Variants in ICA1L observed in about 807,000 individuals in gnomAD.
The protein encoded by ICA1L is islet cell autoantigen 1 like.
In ICA1L, 50 loss-of-function variants were observed where a neutral mutation model predicts 61.3. That is an observed-to-expected ratio of 0.82 (90% CI 0.65 to 1.03). ICA1L has a LOEUF of 1.03. Ranked by LOEUF, ICA1L falls within the 50% of genes least tolerant of loss-of-function variation. ICA1L has a pLI of 0.00. For missense variants in ICA1L, 508 were observed against 556.7 expected (o/e 0.91, Z 0.88); for synonymous variants, 161 against 191.3 (o/e 0.84, Z 1.31).
At chr2:202,797,498 TG>T (rs1010189866) in intron 9 of ICA1L, among the ~76,000 whole-genome samples, 1 of 152,250 alleles carries the variant, frequency 6.6e-6, no homozygotes, top group African/African-American at 2.4e-5. Flanking sequence ...ACATTTGTAT[TG>T]AACACTGCTC....
chr2:202,845,190 A>C (rs1233706942), intron 1 of ICA1L, among the ~76,000 whole-genome samples: 2 of 152,206 alleles, frequency 1.3e-5, no homozygotes, highest in Admixed American at 6.5e-5. Context: ...CTTTGAACAC[A>C]GTCTCTTGCA....
intron 1 of ICA1L, among the ~76,000 whole-genome samples, chr2:202,863,512 A>C (rs564008935): frequency 6.6e-6 from 1 of 151,978 alleles, no homozygotes; most frequent in East Asian, 1.9e-4. Flanking sequence ...AAGAAAGAAA[A>C]ACATAAATGA....
intron 1 of ICA1L, among the ~76,000 whole-genome samples, chr2:202,843,270 T>C (rs1305160781): frequency 6.6e-6 from 1 of 152,192 alleles, no homozygotes; most frequent in African/African-American, 2.4e-5. Flanking sequence ...GCTAGTTTCA[T>C]TGTGGACTGA....
At chr2:202,810,385 T>C (rs922660786) in intron 9 of ICA1L, among the ~76,000 whole-genome samples, 1 of 152,238 alleles carries the variant, frequency 6.6e-6, no homozygotes, top group East Asian at 1.9e-4. Flanking sequence ...CTGTCTTTAC[T>C]GCAGTCTCTG....
chr2:202,778,101 C>T lies in ICA1L; in HGVS notation c.*1432G>A, dbSNP rs1467528355. On this transcript the variant is annotated 3_prime_UTR_variant, in exon 13 of 13. Transcript: ENST00000358299. ...TTCACCATGTTAGCCAGGATGGTCT[C>T]CATCTCCTGACCTCGTGATCCGCCT... 6.6e-6 allele frequency: 1 copy of T among 151,918 alleles called. No individual in the cohort carries two copies. Among genetic ancestry groups the T allele is most frequent in the Admixed American group, 6.6e-5 (1 of 15,226 alleles). The allele number at this position is 151,918 out of a possible 1,614,324, so 9.4% of individuals were successfully genotyped here. A position where few individuals can be genotyped will look rare whatever the true frequency, so the allele number is the denominator to read the frequency against.
chr2:202,828,568 T>G (rs1051154328), intron 2 of ICA1L, among the ~76,000 whole-genome samples: 1 of 152,244 alleles, frequency 6.6e-6, no homozygotes, highest in Admixed American at 6.5e-5. Flanking sequence ...CAACTGGGAA[T>G]GTAATCATTA....
chr2:202,807,010 G>A (rs200309446), intron 9 of ICA1L, among the ~76,000 whole-genome samples: 10 of 152,306 alleles, frequency 6.6e-5, no homozygotes, highest in East Asian at 1.9e-4. Context: ...GGACTTTTGC[G>A]TTTAAAAGCA....
intron 3 of ICA1L, among the ~76,000 whole-genome samples, chr2:202,822,765 C>A (rs753600802): frequency 2.6e-5 from 4 of 152,152 alleles, no homozygotes; most frequent in Non-Finnish European, 5.9e-5. Context: ...CAACAGAACT[C>A]AGGCCTCCTC....
intron 11 of ICA1L, among the ~76,000 whole-genome samples, chr2:202,788,275 C>T (rs1166898554): frequency 6.6e-6 from 1 of 152,112 alleles, no homozygotes; most frequent in Non-Finnish European, 1.5e-5. Context: ...AAATGAGGCT[C>T]TAAATGGCTC....
chr2:202,843,648 C>A (rs1325633098), intron 1 of ICA1L, among the ~76,000 whole-genome samples: 1 of 152,178 alleles, frequency 6.6e-6, no homozygotes, highest in Non-Finnish European at 1.5e-5. Context: ...GTCTGGGATG[C>A]AGGGATCCTT....
In ICA1L at chr2:202,774,351, C is replaced by T. The variant is rs1451201172; in HGVS notation, c.*5182G>A. On this transcript the variant is annotated 3_prime_UTR_variant, in exon 13 of 13. Transcript: ENST00000358299. Reference sequence around the variant, plus strand: ...AGCGCTGAGGCGAGCCTGCCGCGCGCTCCGCTCAGCGTGGTCTGGCAGCCG... The same window carrying T: ...AGCGCTGAGGCGAGCCTGCCGCGCGTTCCGCTCAGCGTGGTCTGGCAGCCG... The T allele has an allele frequency of 7.3e-7, 1 of 1,375,024 alleles. No individual in the cohort carries two copies. Among genetic ancestry groups the T allele is most frequent in the Non-Finnish European group, 9.3e-7 (1 of 1,071,400 alleles). The allele number at this position is 1,375,024 out of a possible 1,614,324, so 85.2% of individuals were successfully genotyped here. A position where few individuals can be genotyped will look rare whatever the true frequency, so the allele number is the denominator to read the frequency against.
At chr2:202,844,368 C>T (rs1021745023) in intron 1 of ICA1L, 4 of 151,598 alleles carry the variant, frequency 2.6e-5, no homozygotes, top group Non-Finnish European at 4.4e-5. Context: ...ACAGTGAGAC[C>T]CCATCTCAAA....
intron 12 of ICA1L, among the ~76,000 whole-genome samples, chr2:202,784,886 G>A (rs1692531253): frequency 6.6e-6 from 1 of 152,128 alleles, no homozygotes; most frequent in Non-Finnish European, 1.5e-5. Context: ...TTTCACAGCA[G>A]TATGAACATG....
At chr2:202,842,157 T>C (rs532778568) in intron 1 of ICA1L, among the ~76,000 whole-genome samples, 29 of 152,310 alleles carry the variant, frequency 1.9e-4, no homozygotes, top group African/African-American at 5.8e-4. Context: ...ACCAGGCCTA[T>C]TGCAGCCATT....
chr2:202,797,167 T>C (rs1692958561), intron 9 of ICA1L, among the ~76,000 whole-genome samples: 1 of 151,882 alleles, frequency 6.6e-6, no homozygotes, highest in Admixed American at 6.6e-5. Flanking sequence ...TGTGTGTATA[T>C]GTATATAAAT....
In ICA1L at chr2:202,779,065, A is replaced by G. The variant is rs532398344; in HGVS notation, c.*468T>C. 1 of 152,732 alleles carries G rather than the reference A, an allele frequency of 6.5e-6. No homozygotes were observed. The highest frequency in any genetic ancestry group is 1.5e-5 in the Non-Finnish European group (1 of 68,314). 9.5% of individuals were successfully genotyped at this position (152,732 alleles called of 1,614,324 possible). ...TCTAATGGTGTTTTCCAAAACAGAA[A>G]ATCCTCCTCGCTACTATTTCATTTA... On this transcript the variant is annotated 3_prime_UTR_variant, in exon 13 of 13. Coordinates refer to ENST00000358299, the MANE Select transcript of ICA1L (RefSeq NM_001288622.3).
intron 9 of ICA1L, among the ~76,000 whole-genome samples, chr2:202,803,911 T>C (rs946621112): frequency 2.0e-5 from 3 of 152,180 alleles, no homozygotes; most frequent in Non-Finnish European, 4.4e-5. Flanking sequence ...ATTCTAAACT[T>C]GTATATACCC....
intron 8 of ICA1L, among the ~76,000 whole-genome samples, chr2:202,813,481 G>T (rs1262644563): frequency 1.3e-5 from 2 of 152,078 alleles, no homozygotes; most frequent in Non-Finnish European, 2.9e-5. Context: ...AAGAAAAGAG[G>T]TTCATTTAGT....
chr2:202,775,332 C>T lies in ICA1L; in HGVS notation c.*4201G>A, dbSNP rs1692188819. 6.6e-6 allele frequency: 1 copy of T among 152,164 alleles called. No individual in the cohort carries two copies. The highest frequency in any genetic ancestry group is 2.1e-4 in the South Asian group (1 of 4,824). 9.4% of individuals were successfully genotyped at this position (152,164 alleles called of 1,614,324 possible). On this transcript the variant is annotated 3_prime_UTR_variant, in exon 13 of 13. Transcript: ENST00000358299. Reference sequence around the variant, plus strand: ...TAACTGAATCAATTCTGGCTCTCTTCTTTTTATTCCTGCCTTCAATAAGTC... The same window carrying T: ...TAACTGAATCAATTCTGGCTCTCTTTTTTTTATTCCTGCCTTCAATAAGTC...
Sources: gnomAD v4.1 joint callset for allele counts (sites outside exome capture counted in the v4.1 genomes callset) on GRCh38, gnomAD v4.1.1 for gene constraint, MANE v1.5 for transcripts, NCBI Gene and HGNC (gene_info 2026-07-23, HGNC 2026-07-21) for gene names.